NRXN3: variants seen among roughly 807,000 people sequenced by gnomAD.
NRXN3 encodes neurexin 3.
A neutral mutation model predicts 137.6 loss-of-function variants in NRXN3; 32 were observed. That is an observed-to-expected ratio of 0.23 (90% CI 0.18 to 0.31). The LOEUF is 0.31. Ranked by LOEUF, NRXN3 falls within the 10% of genes least tolerant of loss-of-function variation. The pLI, the probability that NRXN3 is intolerant of heterozygous loss-of-function variation, is 1.00. For synonymous variants in NRXN3, 798 were observed against 784.5 expected (o/e 1.02, Z -0.29); for missense variants, 1,574 against 2,062.5 (o/e 0.76, Z 4.59).
At chr14:79,018,526 C>G (rs78978758) in intron 15 of NRXN3, among the ~76,000 whole-genome samples, 1 of 152,026 alleles carries the variant, frequency 6.6e-6, no homozygotes, top group Non-Finnish European at 1.5e-5. Context: ...CCATTATGAT[C>G]TTTTTATTCT....
At chr14:79,046,274 G>A (rs754687434) in intron 15 of NRXN3, among the ~76,000 whole-genome samples, 3 of 152,060 alleles carry the variant, frequency 2.0e-5, no homozygotes, top group Non-Finnish European at 4.4e-5. Flanking sequence ...GAGATACACA[G>A]TTGGGATCTA....
chr14:79,528,801 C>T (rs533527534), intron 16 of NRXN3, among the ~76,000 whole-genome samples: 1 of 152,190 alleles, frequency 6.6e-6, no homozygotes, highest in South Asian at 2.1e-4. Context: ...TTTTCTTCTT[C>T]AGCTTAATAT....
chr14:79,707,275 C>A (rs926943738), intron 19 of NRXN3, among the ~76,000 whole-genome samples: 1 of 152,132 alleles, frequency 6.6e-6, no homozygotes, highest in Admixed American at 6.5e-5. Context: ...GTAAGTTAAG[C>A]AAATGCTTAT....
chr14:78,814,866 C>G (rs1427186505), intron 10 of NRXN3, among the ~76,000 whole-genome samples: 2 of 152,144 alleles, frequency 1.3e-5, no homozygotes, highest in African/African-American at 4.8e-5. Flanking sequence ...CTAATTTATT[C>G]TATCCCTTTC....
At chr14:78,732,857 A>G (rs1277529272) in intron 8 of NRXN3, among the ~76,000 whole-genome samples, 1 of 152,188 alleles carries the variant, frequency 6.6e-6, no homozygotes, top group Non-Finnish European at 1.5e-5. Context: ...TAGTGGGATA[A>G]GGTTCTCAGA....
intron 4 of NRXN3, among the ~76,000 whole-genome samples, chr14:78,454,730 A>G (rs1235902512): frequency 6.6e-6 from 1 of 152,196 alleles, no homozygotes; most frequent in Non-Finnish European, 1.5e-5. Flanking sequence ...GAGAACTGAG[A>G]CCTGAAAGAT....
At chr14:78,403,925 G>C (rs2092299633) in intron 4 of NRXN3, 2 of 973,450 alleles carry the variant, frequency 2.1e-6, no homozygotes, top group Non-Finnish European at 2.4e-6. Context: ...TGTGAGCTGC[G>C]GTGGGGGTGG....
chr14:78,409,476 A>G (rs1055329470), intron 4 of NRXN3, among the ~76,000 whole-genome samples: 46 of 152,244 alleles, frequency 3.0e-4, no homozygotes, highest in African/African-American at 1.1e-3. Flanking sequence ...CATCATCTCC[A>G]TAACTGCCCC....
intron 8 of NRXN3, among the ~76,000 whole-genome samples, chr14:78,717,749 A>G (rs537363394): frequency 1.3e-5 from 2 of 152,222 alleles, no homozygotes; most frequent in Non-Finnish European, 2.9e-5. Context: ...CAACAAACAA[A>G]AAATCCAAAA....
At chr14:79,099,525 A>T (rs2050903744) in intron 15 of NRXN3, among the ~76,000 whole-genome samples, 1 of 152,184 alleles carries the variant, frequency 6.6e-6, no homozygotes, top group Non-Finnish European at 1.5e-5. Flanking sequence ...GTATATTTTT[A>T]AAATGTTATG....
chr14:78,532,839 G>T (rs184685024), intron 4 of NRXN3, among the ~76,000 whole-genome samples: 3 of 151,750 alleles, frequency 2.0e-5, no homozygotes, highest in Non-Finnish European at 4.4e-5. Flanking sequence ...CTAGGTCAAT[G>T]ATTTATTTTT....
At position 78,256,714 on chromosome 14, in the gene NRXN3, T is replaced by C. The variant is rs1409459820; in HGVS notation, c.709+12912T>C. Reference sequence around the variant, plus strand: ...TCATATTCCTAGGAACCTGCATCCATGCAACACACGTAAGTTAACAATGCA... The same window carrying C: ...TCATATTCCTAGGAACCTGCATCCACGCAACACACGTAAGTTAACAATGCA... On this transcript the variant is annotated intron_variant, in intron 2 of 20. Coordinates refer to ENST00000335750, the MANE Select transcript of NRXN3 (RefSeq NM_001330195.2). Among the ~76,000 whole-genome samples the C allele has an allele frequency of 3.3e-5, 5 of 152,262 alleles. No individual in the cohort carries two copies. The South Asian group carries it at 8.3e-4, about 25-fold the overall frequency.
chr14:78,232,560 T>A (rs2065581773), intron 1 of NRXN3, among the ~76,000 whole-genome samples: 5 of 152,300 alleles, frequency 3.3e-5, no homozygotes, highest in Admixed American at 2.6e-4. Context: ...TAGGGCTGAA[T>A]AATTTTCCTC....
At chr14:78,950,631 A>G (rs2099385204) in intron 10 of NRXN3, among the ~76,000 whole-genome samples, 1 of 151,914 alleles carries the variant, frequency 6.6e-6, no homozygotes, top group Non-Finnish European at 1.5e-5. Flanking sequence ...AGGAAGGAAG[A>G]AAAAAGAAGG....
At chr14:79,817,245 G>A (rs755100879) in intron 20 of NRXN3, among the ~76,000 whole-genome samples, 1 of 152,088 alleles carries the variant, frequency 6.6e-6, no homozygotes, top group Admixed American at 6.6e-5. Context: ...TAGAGACGGG[G>A]TTTTACCATG....
intron 4 of NRXN3, among the ~76,000 whole-genome samples, chr14:78,529,165 C>T (rs534283664): frequency 4.6e-5 from 7 of 152,288 alleles, no homozygotes; most frequent in Non-Finnish European, 7.3e-5. Context: ...AAAAGTGTAG[C>T]GTCCTTAAAC....
At chr14:78,234,031 T>C (rs1387224223) in intron 1 of NRXN3, among the ~76,000 whole-genome samples, 1 of 152,226 alleles carries the variant, frequency 6.6e-6, no homozygotes, top group Non-Finnish European at 1.5e-5. Flanking sequence ...GTTCTCCTGA[T>C]AGTGAGTAGG....
chr14:79,079,671 C>A (rs763995585), intron 15 of NRXN3, among the ~76,000 whole-genome samples: 1 of 152,046 alleles, frequency 6.6e-6, no homozygotes, highest in Non-Finnish European at 1.5e-5. Flanking sequence ...GGAAGACGTG[C>A]CAATAGGCAG....
chr14:79,205,292 T>C lies in NRXN3; in HGVS notation c.3262+217151T>C, dbSNP rs369626551. 3.2e-4 allele frequency among the ~76,000 whole-genome samples: 48 copies of C among 152,344 alleles called. No individual in the cohort carries two copies. In the South Asian group the frequency reaches 9.7e-3, roughly 31 times the overall value. On this transcript the variant is annotated intron_variant, in intron 15 of 20. Coordinates refer to ENST00000335750, the MANE Select transcript of NRXN3 (RefSeq NM_001330195.2). ...ATTCAATCCATTTAACAGTTAGTTG[T>C]ATTTTTCAATTCTAATTAACATTGG... is the stretch of plus-strand genomic sequence containing the variant.
Sources: allele counts gnomAD v4.1 joint callset (sites outside exome capture counted in the v4.1 genomes callset), GRCh38; gene constraint gnomAD v4.1.1; transcripts MANE v1.5; gene names NCBI Gene and HGNC (gene_info 2026-07-23, HGNC 2026-07-21).